Variants in GAB1 observed in about 807,000 individuals in gnomAD.
GAB1 encodes GRB2-associated-binding protein 1.
A neutral mutation model predicts 66.5 loss-of-function variants in GAB1; 19 were observed. That is an observed-to-expected ratio of 0.29 (90% CI 0.20 to 0.42). The LOEUF (loss-of-function observed/expected upper bound fraction) is 0.42. Among genes scored for constraint, GAB1 ranks in the 10% least tolerant of loss-of-function variants. GAB1 has a pLI of 1.00. For missense variants in GAB1, 732 were observed against 858.5 expected (o/e 0.85, Z 1.84); for synonymous variants, 294 against 301.4 (o/e 0.98, Z 0.25).
chr4:143,338,240 A>G (rs1728723058), intron 1 of GAB1, among the ~76,000 whole-genome samples: 1 of 152,242 alleles, frequency 6.6e-6, no homozygotes, highest in Non-Finnish European at 1.5e-5. Flanking sequence ...CAAAGGAAAG[A>G]AATGACACTT....
chr4:143,413,251 G>T (rs147435764), intron 1 of GAB1, among the ~76,000 whole-genome samples: 108 of 152,236 alleles, frequency 7.1e-4, no homozygotes, highest in African/African-American at 2.2e-3. Flanking sequence ...TACTGCTTGA[G>T]AGGGAAGTAT....
At chr4:143,370,698 C>T (rs1730082238) in intron 1 of GAB1, among the ~76,000 whole-genome samples, 1 of 152,162 alleles carries the variant, frequency 6.6e-6, no homozygotes, top group South Asian at 2.1e-4. Flanking sequence ...TCTCTCCCCG[C>T]TCCCCTGACC....
chr4:143,367,320 A>G (rs1035931603), intron 1 of GAB1, among the ~76,000 whole-genome samples: 2 of 152,206 alleles, frequency 1.3e-5, no homozygotes, highest in African/African-American at 4.8e-5. Context: ...AAATGGACCC[A>G]ATATCTGGTA....
chr4:143,386,164 A>G (rs972687717), intron 1 of GAB1, among the ~76,000 whole-genome samples: 5 of 152,178 alleles, frequency 3.3e-5, no homozygotes, highest in Non-Finnish European at 4.4e-5. Context: ...ATTGGAACAC[A>G]GATGTGCCCA....
At chr4:143,422,140 T>A (rs991472584) in intron 2 of GAB1, among the ~76,000 whole-genome samples, 1 of 152,202 alleles carries the variant, frequency 6.6e-6, no homozygotes, top group African/African-American at 2.4e-5. Flanking sequence ...AAATGGTATG[T>A]TAGTATTAAT....
At chr4:143,382,321 GA>G (rs1384065590) in intron 1 of GAB1, among the ~76,000 whole-genome samples, 2 of 152,144 alleles carry the variant, frequency 1.3e-5, no homozygotes, top group Non-Finnish European at 2.9e-5. Flanking sequence ...AACATTTAGG[GA>G]TTATTCAGTC....
chr4:143,438,806 A>T (rs1231655596), intron 4 of GAB1, among the ~76,000 whole-genome samples: 1 of 152,190 alleles, frequency 6.6e-6, no homozygotes, highest in Non-Finnish European at 1.5e-5. Flanking sequence ...CCCCTGAAGA[A>T]GTATGGCCTT....
intron 1 of GAB1, among the ~76,000 whole-genome samples, chr4:143,397,413 C>G (rs937839329): frequency 1.9e-4 from 29 of 152,092 alleles, no homozygotes; most frequent in African/African-American, 7.0e-4. Context: ...CCATTTTGCT[C>G]TATTTAACTA....
At chr4:143,420,245 T>A (rs1461724329) in intron 2 of GAB1, among the ~76,000 whole-genome samples, 4 of 152,124 alleles carry the variant, frequency 2.6e-5, no homozygotes, top group Admixed American at 6.5e-5. Context: ...TTTTTTACTA[T>A]GCTAATTTCA....
chr4:143,354,621 A>G lies in GAB1; in HGVS notation c.72+17361A>G, dbSNP rs1324842324. ...AAAAAAAACTTAGTGTAGAAGATTT[A>G]TCATTAAACTATAATATACATATTT... On this transcript the variant is annotated intron_variant, in intron 1 of 9. Transcript: ENST00000262994. Among the ~76,000 whole-genome samples, 4 of 152,216 alleles carry G rather than the reference A, an allele frequency of 2.6e-5. No individual in the cohort carries two copies. In the East Asian group the frequency reaches 7.7e-4, roughly 29 times the overall value.
At chr4:143,341,792 C>G (rs139414153) in intron 1 of GAB1, among the ~76,000 whole-genome samples, 2 of 152,296 alleles carry the variant, frequency 1.3e-5, no homozygotes, top group South Asian at 2.1e-4. Context: ...GTGGGCAGGC[C>G]AAGTGTCAGC....
chr4:143,418,800 G>A (rs1732848498), intron 2 of GAB1, among the ~76,000 whole-genome samples: 1 of 152,132 alleles, frequency 6.6e-6, no homozygotes, highest in African/African-American at 2.4e-5. Context: ...CTATTCAAGG[G>A]TGGGTAGGGT....
At chr4:143,355,054 A>T (rs1729388793) in intron 1 of GAB1, among the ~76,000 whole-genome samples, 1 of 152,244 alleles carries the variant, frequency 6.6e-6, no homozygotes, top group Admixed American at 6.5e-5. Context: ...TCCAAAGCAG[A>T]ACAGATTTTC....
chr4:143,378,783 C>G (rs909198637), intron 1 of GAB1, among the ~76,000 whole-genome samples: 6 of 152,092 alleles, frequency 3.9e-5, no homozygotes, highest in African/African-American at 1.4e-4. Flanking sequence ...AAGCCCTGGC[C>G]TCTCTCTGAC....
rs898370367 is a variant in GAB1 at position 143,470,407 on chromosome 4, A to G, written c.*1218A>G. 2.6e-5 allele frequency: 4 copies of G among 152,302 alleles called. No individual in the cohort carries two copies. The highest frequency in any genetic ancestry group is 1.5e-5 in the Non-Finnish European group (1 of 68,018). The allele number at this position is 152,302 out of a possible 1,614,324, so 9.4% of individuals were successfully genotyped here. ...TACTGTGATTTATATTCACTGCCCC[A>G]ATTCAAGAAATATTGGAGCCTTGCT... On this transcript the variant is annotated 3_prime_UTR_variant, in exon 10 of 10. Coordinates refer to ENST00000262994, the MANE Select transcript of GAB1 (RefSeq NM_002039.4).
intron 8 of GAB1, among the ~76,000 whole-genome samples, chr4:143,462,440 C>T (rs1735543781): frequency 1.3e-5 from 2 of 151,760 alleles, no homozygotes. Flanking sequence ...AGTAAATAGC[C>T]ATAAAAATTT....
At chr4:143,383,558 T>G (rs1266473331) in intron 1 of GAB1, among the ~76,000 whole-genome samples, 1 of 152,206 alleles carries the variant, frequency 6.6e-6, no homozygotes, top group East Asian at 1.9e-4. Context: ...GTTAAAATAT[T>G]GAGGTATTTA....
At chr4:143,379,931 C>G (rs1730585998) in intron 1 of GAB1, among the ~76,000 whole-genome samples, 1 of 150,934 alleles carries the variant, frequency 6.6e-6, no homozygotes, top group Non-Finnish European at 1.5e-5. Flanking sequence ...TAGAGAGAAC[C>G]AGCAATATGA....
At chr4:143,464,548 A>ATGTT in intron 8 of GAB1, among the ~76,000 whole-genome samples, 1 of 152,200 alleles carries the variant, frequency 6.6e-6, no homozygotes, top group East Asian at 1.9e-4. Flanking sequence ...TATTTTTTTA[A>ATGTT]TGTTTTATTT....
Sources: allele counts gnomAD v4.1 joint callset (sites outside exome capture counted in the v4.1 genomes callset), GRCh38; gene constraint gnomAD v4.1.1; transcripts MANE v1.5; gene names NCBI Gene and HGNC (gene_info 2026-07-23, HGNC 2026-07-21).